Variants in KIRREL1 observed in about 807,000 individuals in gnomAD.
KIRREL1 encodes kin of IRRE-like protein 1.
In KIRREL1, 25 loss-of-function variants were observed where a neutral mutation model predicts 83.3. The observed-to-expected ratio is 0.30, with a 90% CI of 0.22 to 0.42. KIRREL1 has a LOEUF of 0.42. Ranked by LOEUF, KIRREL1 falls within the 10% of genes least tolerant of loss-of-function variation. KIRREL1 has a pLI of 1.00. For synonymous variants in KIRREL1, 388 were observed against 410.4 expected, an observed-to-expected ratio of 0.95 and a Z score of 0.66; for missense variants, 812 against 1,032.3, an observed-to-expected ratio of 0.79 and a Z score of 2.92.
At position 158,095,719 on chromosome 1, in the gene KIRREL1, G is replaced by T. The variant is rs1662338879; in HGVS notation, c.*599G>T. ...TTCAAATCCAGTCTTCATTCAGCTG[G>T]GATCAAAATGCCAGTCACCTTGGCT... On this transcript the variant is annotated 3_prime_UTR_variant, in exon 15 of 15. Transcript: ENST00000359209. 1 of 152,278 alleles carries T rather than the reference G, an allele frequency of 6.6e-6. No individual in the cohort carries two copies. The highest frequency in any genetic ancestry group is 2.4e-5 in the African/African-American group (1 of 41,440). The allele number at this position is 152,278 out of a possible 1,614,324, so 9.4% of individuals were successfully genotyped here.
At chr1:158,006,785 G>A (rs901967325) in intron 1 of KIRREL1, among the ~76,000 whole-genome samples, 15 of 152,252 alleles carry the variant, frequency 9.9e-5, no homozygotes, top group African/African-American at 3.6e-4. Context: ...ACGGGAGCCA[G>A]GCTGAGAGCA....
intron 8 of KIRREL1, among the ~76,000 whole-genome samples, chr1:158,088,776 GC>G (rs1435249760): frequency 6.6e-6 from 1 of 152,188 alleles, no homozygotes; most frequent in Non-Finnish European, 1.5e-5. Context: ...GAGCCACCGC[GC>G]CCGGCCTTAC....
intron 1 of KIRREL1, among the ~76,000 whole-genome samples, chr1:158,067,155 C>G (rs2101613173): frequency 6.6e-6 from 1 of 152,268 alleles, no homozygotes; most frequent in East Asian, 1.9e-4. Context: ...ATGTAGAGCT[C>G]AAAGTCCTGT....
chr1:158,019,347 A>T (rs988685432), intron 1 of KIRREL1, among the ~76,000 whole-genome samples: 1 of 152,212 alleles, frequency 6.6e-6, no homozygotes, highest in Non-Finnish European at 1.5e-5. Context: ...GAAGGACCAG[A>T]TGGATTCTGG....
At chr1:158,040,839 T>C (rs564399885) in intron 1 of KIRREL1, among the ~76,000 whole-genome samples, 21 of 152,286 alleles carry the variant, frequency 1.4e-4, no homozygotes, top group African/African-American at 4.8e-4. Context: ...AACCTGGTTA[T>C]GAAGGGCCTT....
intron 1 of KIRREL1, among the ~76,000 whole-genome samples, chr1:158,010,357 A>C (rs958232987): frequency 2.2e-5 from 3 of 135,862 alleles, no homozygotes; most frequent in East Asian, 2.1e-4. Flanking sequence ...ACACACACAC[A>C]CACACCCCAC....
intron 1 of KIRREL1, among the ~76,000 whole-genome samples, chr1:158,052,869 C>A (rs532368821): frequency 3.3e-5 from 5 of 152,254 alleles, no homozygotes; most frequent in East Asian, 1.9e-4. Flanking sequence ...CCTCAGGAAG[C>A]TTTTACTCAT....
At chr1:158,093,506 G>T (rs1571004628) in intron 12 of KIRREL1, 60 bp downstream of exon 12, 1 of 1,604,860 alleles carries the variant, frequency 6.2e-7, no homozygotes, top group South Asian at 1.1e-5. Flanking sequence ...GCCATGACAG[G>T]CAGTGCTTGG....
chr1:158,055,828 G>T (rs1661041626), intron 1 of KIRREL1, among the ~76,000 whole-genome samples: 1 of 152,202 alleles, frequency 6.6e-6, no homozygotes, highest in Admixed American at 6.5e-5. Flanking sequence ...TAATTACAAG[G>T]TGCCTGCACT....
chr1:158,039,602 C>T (rs1317482810), intron 1 of KIRREL1, among the ~76,000 whole-genome samples: 2 of 152,214 alleles, frequency 1.3e-5, no homozygotes, highest in Admixed American at 6.5e-5. Context: ...ACTCATCAAG[C>T]CAGCTTTTTC....
At chr1:158,064,133 C>T (rs902313182) in intron 1 of KIRREL1, among the ~76,000 whole-genome samples, 1 of 152,098 alleles carries the variant, frequency 6.6e-6, no homozygotes, top group Non-Finnish European at 1.5e-5. Flanking sequence ...GGATGATGCA[C>T]GACTAAGATT....
chr1:158,093,437 C>T lies in KIRREL1; in HGVS notation c.1570C>T (p.Arg524Cys). Residue 524 changes from arginine (R) to cysteine (C), a missense_variant, in exon 12 of 15, where the codon CGC becomes TGC. Transcript: ENST00000359209. ...IALVFFLYRR[R>C]KGSRKDVTLR... ...CTTGGTATTCTTCCTCTACCGGCGC[C>T]GCAAAGGCAGTGAGTATGGGCCCTG... 6.2e-7 allele frequency: 1 copy of T among 1,614,136 alleles called. No individual in the cohort carries two copies. The highest frequency in any genetic ancestry group is 8.5e-7 in the Non-Finnish European group (1 of 1,179,960).
chr1:158,091,651 C>A, intron 11 of KIRREL1, 95 bp downstream of exon 11: 2 of 1,182,732 alleles, frequency 1.7e-6, no homozygotes, highest in Admixed American at 3.7e-5. Flanking sequence ...TGCTCCCCTT[C>A]CCTTGGGCTC....
In KIRREL1 at chr1:158,088,010, G is replaced by A. The variant is rs1223103620; in HGVS notation, c.772G>A (p.Ala258Thr). The change falls in exon 7 of 15, where the codon GCC becomes ACC. Residue 258 changes from alanine (A) to threonine (T), a missense_variant. By Grantham distance (58) the Ala-to-Thr change is moderately conservative (BLOSUM62 0). Around this residue, in one of 3 missense-constraint regions of KIRREL1, gnomAD observed 472 missense variants for 626.8 expected, o/e 0.75. Coordinates refer to ENST00000359209, the MANE Select transcript of KIRREL1 (RefSeq NM_018240.7). ...CTGTGTTGCCTCCTCCCCTAGGTGG[G>A]CCAAAGGGGGTTTCTTGATTGAAGA... ...ANPEILGYRW[A>T]KGGFLIEDAH... is the part of the protein sequence containing the mutation. 1 of 1,614,176 alleles carries A rather than the reference G, an allele frequency of 6.2e-7. No homozygotes were observed. The highest frequency in any genetic ancestry group is 2.2e-5 in the East Asian group (1 of 44,886).
intron 1 of KIRREL1, among the ~76,000 whole-genome samples, chr1:158,011,909 C>T (rs1183975019): frequency 6.6e-6 from 1 of 152,080 alleles, no homozygotes; most frequent in Non-Finnish European, 1.5e-5. Flanking sequence ...AGCTCCCTCC[C>T]CCAGCTCTTC....
At chr1:158,020,726 C>T (rs896656803) in intron 1 of KIRREL1, among the ~76,000 whole-genome samples, 2 of 151,986 alleles carry the variant, frequency 1.3e-5, no homozygotes, top group African/African-American at 2.4e-5. Context: ...CAGCTCAGCT[C>T]CTGGTACTAT....
chr1:158,077,331 G>C (rs1661708161), intron 2 of KIRREL1, among the ~76,000 whole-genome samples: 1 of 152,200 alleles, frequency 6.6e-6, no homozygotes, highest in Non-Finnish European at 1.5e-5. Context: ...TATGGAGTGA[G>C]AAGAATCGAT....
Position 158,089,558 on chromosome 1 carries a change from C to T in KIRREL1, c.1101C>T (p.Gly367=), listed in dbSNP as rs1007372875. The T allele has an allele frequency of 1.2e-6, 2 of 1,614,174 alleles. No individual in the cohort carries two copies. Among genetic ancestry groups the T allele is most frequent in the Non-Finnish European group, 1.7e-6 (2 of 1,180,032 alleles). The change falls in exon 9 of 15, where the codon GGC becomes GGT. Residue 367 remains glycine, a synonymous_variant. Transcript: ENST00000359209. ...AGTCGGTGACTCAGGCAGACGCTGG[C>T]ACCTACACCTGCCGGGCCATCGTGC... ...LLKSVTQADA[G]TYTCRAIVPR...
At chr1:158,059,913 T>G (rs932947548) in intron 1 of KIRREL1, among the ~76,000 whole-genome samples, 1 of 152,136 alleles carries the variant, frequency 6.6e-6, no homozygotes, top group Non-Finnish European at 1.5e-5. Context: ...GGAATTAGTG[T>G]TGAGGTGGAC....
Sources: gnomAD v4.1 joint callset for allele counts (sites outside exome capture counted in the v4.1 genomes callset) on GRCh38, gnomAD v4.1.1 for gene constraint, gnomAD v4.1.1 regional missense constraint, MANE v1.5 for transcripts, NCBI Gene and HGNC (gene_info 2026-07-23, HGNC 2026-07-21) for gene names.